PATJ: variants seen among roughly 807,000 people sequenced by gnomAD.
PATJ encodes the protein PATJ crumbs cell polarity complex component, also known as inaD-like protein.
A neutral mutation model predicts 224.9 loss-of-function variants in PATJ; 190 were observed. That is an observed-to-expected ratio of 0.84 (90% confidence interval 0.75 to 0.95). PATJ has a LOEUF of 0.95. Among genes scored for constraint, PATJ ranks in the 40% least tolerant of loss-of-function variants. The pLI is 0.00. For missense variants in PATJ, 2,121 were observed against 2,270.3 expected (o/e 0.93, Z 1.34); for synonymous variants, 769 against 820.3 (o/e 0.94, Z 1.07).
chr1:62,099,568 T>A (rs1165195745), intron 33 of PATJ, among the ~76,000 whole-genome samples: 1 of 152,062 alleles, frequency 6.6e-6, no homozygotes, highest in Non-Finnish European at 1.5e-5. Flanking sequence ...TAGGGACTTT[T>A]ATGAGTATGG....
chr1:62,035,912 A>C (rs1650292215), intron 29 of PATJ, among the ~76,000 whole-genome samples: 1 of 152,040 alleles, frequency 6.6e-6, no homozygotes, highest in African/African-American at 2.4e-5. Flanking sequence ...AATAGGAGTA[A>C]ATCAGCCAAA....
intron 20 of PATJ, among the ~76,000 whole-genome samples, chr1:61,870,703 T>C (rs1666204159): frequency 6.6e-6 from 1 of 152,220 alleles, no homozygotes; most frequent in African/African-American, 2.4e-5. Context: ...TATAAATATC[T>C]GTTGAAATCC....
At chr1:61,973,145 T>G (rs1326439427) in intron 27 of PATJ, among the ~76,000 whole-genome samples, 2 of 152,030 alleles carry the variant, frequency 1.3e-5, no homozygotes, top group African/African-American at 2.4e-5. Flanking sequence ...TTTCTGTAAT[T>G]TATTGACATA....
At position 61,866,971 on chromosome 1, in the gene PATJ, T is replaced by TGGCG. The variant is rs569633811; in HGVS notation, c.2835+2339_2835+2342dup. Among the ~76,000 whole-genome samples, 176 of 152,340 alleles carry TGGCG rather than the reference T, an allele frequency of 1.2e-3. 1 individual carries two copies. The highest frequency in any genetic ancestry group is 4.1e-3 in the African/African-American group (171 of 41,590). ...TTACTGTGGCATTTGTAAACTGTCATGGCGCTGGTGGGAGTGTAGCAGTGA... is the reference window on the plus strand; with the variant it reads ...TTACTGTGGCATTTGTAAACTGTCATGGCGGGCGCTGGTGGGAGTGTAGCAGTGA... On this transcript the variant is annotated intron_variant, in intron 20 of 43. Coordinates refer to ENST00000642238, the MANE Select transcript of PATJ (RefSeq NM_001350145.3).
intron 43 of PATJ, among the ~76,000 whole-genome samples, chr1:62,157,524 G>T (rs1464521281): frequency 6.7e-6 from 1 of 148,452 alleles, no homozygotes; most frequent in Admixed American, 7.1e-5. Context: ...CAGGTATCCG[G>T]TTGAAAACTT....
At chr1:61,914,793 T>C (rs1673213418) in intron 26 of PATJ, 129 bp downstream of exon 26, 1 of 489,418 alleles carries the variant, frequency 2.0e-6, no homozygotes, top group Admixed American at 3.5e-5. Context: ...ATATTTATAA[T>C]TTTTTTCCCT....
intron 28 of PATJ, among the ~76,000 whole-genome samples, chr1:61,997,033 C>T (rs994096014): frequency 6.6e-6 from 1 of 151,954 alleles, no homozygotes; most frequent in Non-Finnish European, 1.5e-5. Context: ...TGAGCCACTG[C>T]ACCTGGCCAG....
intron 39 of PATJ, among the ~76,000 whole-genome samples, chr1:62,125,270 A>AAAAAAAAAAAC (rs1665602800): frequency 6.7e-6 from 1 of 148,956 alleles, no homozygotes; most frequent in Non-Finnish European, 1.5e-5. Flanking sequence ...AAAACAAAAA[A>AAAAAAAAAAAC]AAAACGCCAT....
intron 10 of PATJ, 101 bp downstream of exon 10, chr1:61,795,659 T>C (rs1650937963): frequency 1.7e-6 from 1 of 588,340 alleles, no homozygotes; most frequent in African/African-American, 1.9e-5. Context: ...TATAGTTTTA[T>C]AAGGTTTTTT....
Position 61,769,439 on chromosome 1 carries a change from T to C in PATJ, c.524+17T>C. Reference sequence around the variant, plus strand: ...AGCAGACAGGTGAGGAAGCTGTTTATTTTCATTTTGCTAATTGTTTCCTGA... The same window carrying C: ...AGCAGACAGGTGAGGAAGCTGTTTACTTTCATTTTGCTAATTGTTTCCTGA... On this transcript the variant is annotated intron_variant, in intron 5 of 43. Transcript: ENST00000642238. 1 of 1,603,396 alleles carries C rather than the reference T, an allele frequency of 6.2e-7. No individual in the cohort carries two copies. The highest frequency in any genetic ancestry group is 8.5e-7 in the Non-Finnish European group (1 of 1,176,858).
chr1:62,006,988 A>G (rs939819903), intron 28 of PATJ, among the ~76,000 whole-genome samples: 1 of 152,226 alleles, frequency 6.6e-6, no homozygotes, highest in Non-Finnish European at 1.5e-5. Flanking sequence ...AGGCAACTGT[A>G]ACACAATGGT....
intron 36 of PATJ, 90 bp downstream of exon 36, chr1:62,116,769 A>G: frequency 8.2e-7 from 1 of 1,221,602 alleles, no homozygotes; most frequent in Non-Finnish European, 1.1e-6. Flanking sequence ...AATGGGTTGG[A>G]TTTTATACTA....
chr1:61,950,548 G>A (rs1031932127), intron 27 of PATJ, among the ~76,000 whole-genome samples: 3 of 152,084 alleles, frequency 2.0e-5, no homozygotes, highest in African/African-American at 2.4e-5. Flanking sequence ...TTTTTGTATC[G>A]TTGTGGACTC....
rs192373111 is a variant in PATJ at position 62,144,996 on chromosome 1, G to A, written c.5272-3288G>A. ...CCGGCTAATTTCTTTTGTACTTTTA[G>A]TAGAGACAGAGTTTTGCCATGTTAC... is the stretch of plus-strand genomic sequence containing the variant. On this transcript the variant is annotated intron_variant, in intron 41 of 43. Coordinates refer to ENST00000642238, the MANE Select transcript of PATJ (RefSeq NM_001350145.3). Among the ~76,000 whole-genome samples the A allele has an allele frequency of 3.1e-4, 47 of 152,028 alleles. 1 individual carries two copies. Among genetic ancestry groups the A allele is most frequent in the Non-Finnish European group, 3.4e-4 (23 of 67,996 alleles).
intron 24 of PATJ, among the ~76,000 whole-genome samples, chr1:61,902,104 C>G (rs979124711): frequency 1.3e-5 from 2 of 151,954 alleles, no homozygotes; most frequent in African/African-American, 4.8e-5. Flanking sequence ...GCCTGTATTC[C>G]TAGCTACTCA....
intron 23 of PATJ, among the ~76,000 whole-genome samples, chr1:61,900,109 AAGTTTTAAGTACTCACCAGTCGCTGT>A (rs1251630025): frequency 6.6e-6 from 1 of 152,076 alleles, no homozygotes; most frequent in African/African-American, 2.4e-5. Flanking sequence ...GATCTGGGGG[AAGTTTTAAGTACTCACCAGTCGCTGT>A]AGTTTTAAGT....
At chr1:61,804,451 A>G (rs184845790) in intron 12 of PATJ, among the ~76,000 whole-genome samples, 73 of 152,266 alleles carry the variant, frequency 4.8e-4, no homozygotes, top group African/African-American at 1.6e-3. Context: ...CATTATATGC[A>G]TCCAAGATGA....
intron 27 of PATJ, among the ~76,000 whole-genome samples, chr1:61,946,725 A>G (rs943386521): frequency 4.6e-5 from 7 of 152,110 alleles, no homozygotes; most frequent in African/African-American, 1.2e-4. Context: ...TATGTGGCCA[A>G]CATCATCCTG....
At chr1:61,894,275 A>AC (rs1236749163) in intron 22 of PATJ, among the ~76,000 whole-genome samples, 61 of 150,604 alleles carry the variant, frequency 4.1e-4, no homozygotes, top group African/African-American at 1.3e-3. Flanking sequence ...AAAAACACAA[A>AC]AAAAAAACAG....
Sources: gnomAD v4.1 joint callset for allele counts (sites outside exome capture counted in the v4.1 genomes callset) on GRCh38, gnomAD v4.1.1 for gene constraint, MANE v1.5 for transcripts, NCBI Gene and HGNC (gene_info 2026-07-23, HGNC 2026-07-21) for gene names.